Variants in ETS1 observed in about 807,000 individuals in gnomAD.
ETS1 encodes protein C-ets-1.
In ETS1, 15 loss-of-function variants were observed where a neutral mutation model predicts 58.6. That is an observed-to-expected ratio of 0.26 (90% CI 0.17 to 0.39). ETS1 has a LOEUF of 0.39. Ranked by LOEUF, ETS1 falls within the 10% of genes least tolerant of loss-of-function variation. ETS1 has a pLI of 1.00. For synonymous variants in ETS1, 214 were observed against 218.2 expected, an observed-to-expected ratio of 0.98 and a Z score of 0.17; for missense variants, 417 against 610.5, an observed-to-expected ratio of 0.68 and a Z score of 3.34.
chr11:128,522,496 A>G (rs980975643), intron 3 of ETS1: 6 of 335,770 alleles, frequency 1.8e-5, no homozygotes, highest in Admixed American at 1.3e-4. Flanking sequence ...ACCGCGGCCA[A>G]TCTCCGCCCG....
Position 128,571,533 on chromosome 11 carries a change from A to C in ETS1, c.69+1529T>G, listed in dbSNP as rs1258646820. Among the ~76,000 whole-genome samples the C allele has an allele frequency of 5.1e-5, 6 of 117,114 alleles. 1 individual carries two copies. The highest frequency in any genetic ancestry group is 7.1e-5 in the Non-Finnish European group (4 of 55,952). 76.8% of individuals were successfully genotyped at this position (117,114 alleles called of 152,430 possible). A position where few individuals can be genotyped will look rare whatever the true frequency, so the allele number is the denominator to read the frequency against. On this transcript the variant is annotated intron_variant, in intron 2 of 9. Transcript: ENST00000392668. ...AAAAAAAAAAAAAAAAAAAAAAAAA[A>C]AAAAAAAAAACTTCAAACAATTCAG...
chr11:128,474,216 C>T lies in ETS1; in HGVS notation c.1123+5975G>A, dbSNP rs577761875. On this transcript the variant is annotated intron_variant, in intron 8 of 9. Transcript: ENST00000392668. Reference sequence around the variant, plus strand: ...AGACCTCAGAGAGTTGTAAACAGCACCAGGGTGCAGGATGTATTGTACAGT... The same window carrying T: ...AGACCTCAGAGAGTTGTAAACAGCATCAGGGTGCAGGATGTATTGTACAGT... Among the ~76,000 whole-genome samples, 150 of 152,274 alleles carry T rather than the reference C, an allele frequency of 9.9e-4. 3 individuals carry two copies. In the South Asian group the frequency reaches 0.03, roughly 30 times the overall value.
intron 7 of ETS1, 102 bp from the exon 8 acceptor site, chr11:128,480,553 A>T: frequency 1.3e-6 from 1 of 778,396 alleles, no homozygotes; most frequent in South Asian, 1.7e-5. Flanking sequence ...TGCTAATCAG[A>T]TCTGCAGGAA....
At chr11:128,518,099 T>A (rs747245194) in intron 3 of ETS1, among the ~76,000 whole-genome samples, 24 of 152,176 alleles carry the variant, frequency 1.6e-4, no homozygotes, top group Non-Finnish European at 3.4e-4. Flanking sequence ...ACAATCTCCA[T>A]CACCCAAAGT....
intron 2 of ETS1, among the ~76,000 whole-genome samples, chr11:128,562,111 G>A (rs1325141126): frequency 6.6e-6 from 1 of 152,218 alleles, no homozygotes; most frequent in African/African-American, 2.4e-5. Flanking sequence ...ACTAAGAAAA[G>A]GGTGGTCTTG....
chr11:128,511,184 A>G (rs1863384161), intron 3 of ETS1, among the ~76,000 whole-genome samples: 1 of 152,316 alleles, frequency 6.6e-6, no homozygotes, highest in South Asian at 2.1e-4. Flanking sequence ...TGAAGCTCTC[A>G]CTGATTAAAA....
intron 3 of ETS1, among the ~76,000 whole-genome samples, chr11:128,528,242 C>G (rs865787302): frequency 6.6e-6 from 1 of 152,132 alleles, no homozygotes; most frequent in South Asian, 2.1e-4. Context: ...GGCCAACAGT[C>G]ATGGAACTAC....
At chr11:128,500,926 G>C (rs761218179) in intron 3 of ETS1, among the ~76,000 whole-genome samples, 1 of 152,088 alleles carries the variant, frequency 6.6e-6, no homozygotes, top group Non-Finnish European at 1.5e-5. Flanking sequence ...CATCCTTTTT[G>C]AGCTACACAA....
At chr11:128,582,800 C>T (rs1189001734) in intron 1 of ETS1, among the ~76,000 whole-genome samples, 4 of 152,070 alleles carry the variant, frequency 2.6e-5, no homozygotes, top group African/African-American at 7.2e-5. Flanking sequence ...TTGCATAGCA[C>T]AAATGGTGAA....
At chr11:128,552,334 C>T (rs1864243384) in intron 3 of ETS1, among the ~76,000 whole-genome samples, 1 of 152,144 alleles carries the variant, frequency 6.6e-6, no homozygotes, top group Non-Finnish European at 1.5e-5. Flanking sequence ...GAAGGTTTTA[C>T]TGTGTTCAGT....
intron 3 of ETS1, among the ~76,000 whole-genome samples, chr11:128,525,953 C>T (rs1863792249): frequency 6.6e-6 from 1 of 152,200 alleles, no homozygotes; most frequent in African/African-American, 2.4e-5. Context: ...AGCCAGGGGA[C>T]TCAGATGGTA....
intron 1 of ETS1, among the ~76,000 whole-genome samples, chr11:128,581,826 G>C (rs1223078365): frequency 6.6e-6 from 1 of 152,136 alleles, no homozygotes; most frequent in Non-Finnish European, 1.5e-5. Flanking sequence ...TGGCTCTAAA[G>C]GAATTCTCAA....
At chr11:128,572,399 C>T (rs1349567253) in intron 2 of ETS1, 2 of 152,054 alleles carry the variant, frequency 1.3e-5, no homozygotes, top group Non-Finnish European at 2.9e-5. Flanking sequence ...ATTAATGACA[C>T]AGCTGCTGAT....
chr11:128,577,915 C>CAA (rs543543374), intron 1 of ETS1, among the ~76,000 whole-genome samples: 2,380 of 133,680 alleles, frequency 0.018, 59 homozygotes, highest in African/African-American at 0.062. Flanking sequence ...GCCAAAAAGC[C>CAA]AAAAAAAAAA....
chr11:128,576,858 G>A (rs142939596), intron 1 of ETS1, among the ~76,000 whole-genome samples: 48 of 152,216 alleles, frequency 3.2e-4, no homozygotes, highest in Non-Finnish European at 5.3e-4. Flanking sequence ...AGTGAACCCT[G>A]CCTCCTCAGG....
At chr11:128,551,525 C>T (rs1208081108) in intron 3 of ETS1, among the ~76,000 whole-genome samples, 4 of 152,208 alleles carry the variant, frequency 2.6e-5, no homozygotes, top group African/African-American at 9.7e-5. Context: ...TCCAAAGCCA[C>T]ACATTAATAC....
chr11:128,553,953 G>A (rs182683810), intron 3 of ETS1, among the ~76,000 whole-genome samples: 1 of 152,206 alleles, frequency 6.6e-6, no homozygotes, highest in Admixed American at 6.5e-5. Context: ...AAAAAATGTC[G>A]AGTATTTTTT....
At chr11:128,523,432 T>A (rs1863740167) in intron 3 of ETS1, among the ~76,000 whole-genome samples, 1 of 152,262 alleles carries the variant, frequency 6.6e-6, no homozygotes. Context: ...CTGAGCTCCA[T>A]CTTTGATTAA....
At chr11:128,539,010 A>G (rs1201508953) in intron 3 of ETS1, among the ~76,000 whole-genome samples, 1 of 152,248 alleles carries the variant, frequency 6.6e-6, no homozygotes, top group Non-Finnish European at 1.5e-5. Context: ...ACACATACGA[A>G]AAAGAAAGAA....
Sources: allele counts gnomAD v4.1 joint callset (sites outside exome capture counted in the v4.1 genomes callset), GRCh38; gene constraint gnomAD v4.1.1; transcripts MANE v1.5; gene names NCBI Gene and HGNC (gene_info 2026-07-23, HGNC 2026-07-21).